The following SYNE1 variants were observed in gnomAD, a reference collection of about 807,000 sequenced individuals.
The protein encoded by SYNE1 is spectrin repeat containing nuclear envelope protein 1, also known as nesprin-1.
Under a neutral mutation model 1,111.0 loss-of-function variants are expected in SYNE1, and 616 were observed. The ratio of observed to expected loss-of-function variants is 0.55; its 90% confidence interval spans 0.52 to 0.59. SYNE1 has a LOEUF of 0.59. Ranked by LOEUF, SYNE1 falls within the 20% of genes least tolerant of loss-of-function variation. SYNE1 has a pLI of 0.00. For synonymous variants in SYNE1, 3,855 were observed against 3,825.8 expected (o/e 1.01, Z -0.28); for missense variants, 10,006 against 10,417.0 (o/e 0.96, Z 1.72).
rs368864479 is a variant in SYNE1 at position 152,219,096 on chromosome 6, G to A, written c.21951C>T (p.Ser7317=). The change falls in exon 120 of 146, where the codon TCC becomes TCT. Residue 7317 remains serine (S), a synonymous_variant. Coordinates refer to ENST00000367255, the MANE Select transcript of SYNE1 (RefSeq NM_182961.4). The stretch of plus-strand genomic sequence containing the variant: ...GATCCGATTGAATAGCTGATGCTGC[G>A]GAAGCATCCACTTGTTGCTTCAGTT... ...GEQLKQQVDA[S]AASAIQSDQL... The A allele has an allele frequency of 6.8e-5, 109 of 1,613,864 alleles. No individual in the cohort carries two copies. Among genetic ancestry groups the A allele is most frequent in the South Asian group, 3.4e-4 (31 of 91,078 alleles).
chr6:152,160,982 C>G (rs6935868), intron 131 of SYNE1, among the ~76,000 whole-genome samples: 7 of 151,264 alleles, frequency 4.6e-5, no homozygotes, highest in African/African-American at 1.7e-4. Flanking sequence ...TGTGTGTACA[C>G]ATATACGTGT....
intron 93 of SYNE1, among the ~76,000 whole-genome samples, chr6:152,297,500 C>T (rs573530422): frequency 6.6e-6 from 1 of 152,296 alleles, no homozygotes; most frequent in African/African-American, 2.4e-5. Flanking sequence ...GTCTGGGTCA[C>T]TGCTTTTCGT....
At chr6:152,306,082 A>C (rs888293872) in intron 91 of SYNE1, among the ~76,000 whole-genome samples, 1 of 152,236 alleles carries the variant, frequency 6.6e-6, no homozygotes, top group Admixed American at 6.5e-5. Flanking sequence ...TTGGACACAA[A>C]GATACTGAGA....
At chr6:152,184,663 GATA>G (rs2069236385) in intron 128 of SYNE1, among the ~76,000 whole-genome samples, 1 of 149,386 alleles carries the variant, frequency 6.7e-6, no homozygotes, top group Admixed American at 6.6e-5. Context: ...TAGATAGATA[GATA>G]GATAGATAGA....
Position 152,391,395 on chromosome 6 carries a change from A to G in SYNE1, c.7886T>C (p.Leu2629Pro). 3 of 1,613,934 alleles carry G rather than the reference A, an allele frequency of 1.9e-6. No homozygotes were observed. The highest frequency in any genetic ancestry group is 2.5e-6 in the Non-Finnish European group (3 of 1,179,934). ...CCACATGCTTTGCAGTGCTTCCTCC[A>G]GGGCTTCGTGCTCCTGAAGGGCCAC... ...CQVALQEHEALEEALQSMWFW... is the reference protein window; with the variant it reads ...CQVALQEHEAPEEALQSMWFW... The change falls in exon 52 of 146, where the codon CTG becomes CCG. Residue 2629 changes from leucine to proline, a missense_variant. Leu to Pro is a moderately conservative substitution (Grantham distance 98). This residue lies in a region of SYNE1 where 4,955 missense variants were observed against 5,017.2 expected (regional missense o/e 0.99). Transcript: ENST00000367255.
At chr6:152,278,943 T>G (rs965916631) in intron 97 of SYNE1, among the ~76,000 whole-genome samples, 1 of 152,036 alleles carries the variant, frequency 6.6e-6, no homozygotes, top group Non-Finnish European at 1.5e-5. Flanking sequence ...AAATTTTTTA[T>G]TTTTTCAACA....
At chr6:152,514,034 T>A (rs1231359850) in intron 6 of SYNE1, among the ~76,000 whole-genome samples, 1 of 152,092 alleles carries the variant, frequency 6.6e-6, no homozygotes, top group African/African-American at 2.4e-5. Context: ...TTGGTGGGAG[T>A]GTAAATTAGT....
At chr6:152,142,488 C>T (rs935199534) in intron 138 of SYNE1, among the ~76,000 whole-genome samples, 4 of 152,118 alleles carry the variant, frequency 2.6e-5, no homozygotes, top group African/African-American at 9.7e-5. Context: ...ATTCTAAAGT[C>T]AAAGAAAAGC....
At position 152,395,625 on chromosome 6, in the gene SYNE1, C is replaced by G. The variant is rs764800126; in HGVS notation, c.7603G>C (p.Glu2535Gln). ...AAGTTTTCCGTATTGAACCTTTCTT[C>G]CATTTCATGGATCCATAAGTTCAGT... Reference protein sequence around the residue: ...RKLNLWIHEMEERFNTENLGE... With the variant: ...RKLNLWIHEMQERFNTENLGE... Residue 2535 changes from glutamate to glutamine, a missense_variant, in exon 51 of 146, where the codon GAA becomes CAA. Physicochemically the swap from Glu to Gln is conservative, Grantham distance 29. Coordinates refer to ENST00000367255, the MANE Select transcript of SYNE1 (RefSeq NM_182961.4). The G allele has an allele frequency of 1.9e-6, 3 of 1,614,044 alleles. No homozygotes were observed. The highest frequency in any genetic ancestry group is 2.5e-6 in the Non-Finnish European group (3 of 1,180,020).
chr6:152,441,407 T>C, intron 31 of SYNE1, 137 bp from the exon 32 acceptor site: 2 of 873,954 alleles, frequency 2.3e-6, no homozygotes. Context: ...ATAGAGATGA[T>C]TCTAGTATCT....
intron 117 of SYNE1, among the ~76,000 whole-genome samples, chr6:152,223,464 A>G (rs1398758765): frequency 2.0e-5 from 3 of 152,182 alleles, no homozygotes; most frequent in African/African-American, 7.2e-5. Flanking sequence ...TACTAAAAAT[A>G]CAAAAATTAG....
chr6:152,336,611 T>TTCA (rs1458336392), intron 76 of SYNE1: 12 of 588,906 alleles, frequency 2.0e-5, no homozygotes, highest in Non-Finnish European at 3.1e-5. Context: ...GGAGGTGGAG[T>TTCA]TCAGGCATTA....
Position 152,344,209 on chromosome 6 carries a change from G to A in SYNE1, c.12097C>T (p.His4033Tyr), listed in dbSNP as rs780954915. Reference sequence around the variant, plus strand: ...CGGCTGACGTGCTTCTGAAGTTCGTGTTCCAAACTCTGGTACATCTGAGAC... The same window carrying A: ...CGGCTGACGTGCTTCTGAAGTTCGTATTCCAAACTCTGGTACATCTGAGAC... ...TAQRMYQSLE[H>Y]ELQKHVSRQD... Residue 4033 changes from histidine to tyrosine, a missense_variant, in exon 74 of 146, where the codon CAC (histidine) becomes TAC (tyrosine). This residue lies in a region of SYNE1 where 4,955 missense variants were observed against 5,017.2 expected (regional missense o/e 0.99). Coordinates refer to ENST00000367255, the MANE Select transcript of SYNE1 (RefSeq NM_182961.4). 1.2e-6 allele frequency: 2 copies of A among 1,614,174 alleles called. No individual in the cohort carries two copies. Among genetic ancestry groups the A allele is most frequent in the Non-Finnish European group, 1.7e-6 (2 of 1,180,030 alleles).
intron 14 of SYNE1, among the ~76,000 whole-genome samples, chr6:152,476,133 C>G (rs903748259): frequency 2.0e-5 from 3 of 152,068 alleles, no homozygotes; most frequent in African/African-American, 7.2e-5. Flanking sequence ...TTAAACATCC[C>G]TCTAGATGCC....
At chr6:152,254,252 T>G (rs2090281358) in intron 104 of SYNE1, among the ~76,000 whole-genome samples, 1 of 125,900 alleles carries the variant, frequency 7.9e-6, no homozygotes, top group African/African-American at 2.9e-5. Flanking sequence ...CTCTTTTTTT[T>G]TTTTTTTTTT....
At chr6:152,281,134 G>A (rs559891159) in intron 97 of SYNE1, among the ~76,000 whole-genome samples, 5 of 152,276 alleles carry the variant, frequency 3.3e-5, no homozygotes, top group Admixed American at 6.5e-5. Flanking sequence ...ACCCATGTGC[G>A]AAGTCAAATA....
chr6:152,488,543 G>C (rs778310482), intron 11 of SYNE1, 40 bp from the exon 12 acceptor site: 1 of 1,105,182 alleles, frequency 9.0e-7, no homozygotes, highest in African/African-American at 1.5e-5. Flanking sequence ...TAGTATCTGT[G>C]CATTTATTTA....
At chr6:152,198,238 A>G (rs114887002) in intron 127 of SYNE1, among the ~76,000 whole-genome samples, 1,597 of 152,132 alleles carry the variant, frequency 0.01, 28 homozygotes, top group African/African-American at 0.036. Flanking sequence ...TCATGAACCA[A>G]CCTCTGCCTG....
chr6:152,247,750 T>TATATATACACAC (rs1432898834), intron 105 of SYNE1, among the ~76,000 whole-genome samples: 123 of 112,362 alleles, frequency 1.1e-3, no homozygotes, highest in African/African-American at 4.0e-3. Context: ...TATATATATA[T>TATATATACACAC]ACACACACAC....
Sources: allele counts gnomAD v4.1 joint callset (sites outside exome capture counted in the v4.1 genomes callset), GRCh38; gene constraint gnomAD v4.1.1; regional missense constraint gnomAD v4.1.1; transcripts MANE v1.5; gene names NCBI Gene and HGNC (gene_info 2026-07-23, HGNC 2026-07-21).